CTNNBL1: variants seen among roughly 807,000 people sequenced by gnomAD.
CTNNBL1 encodes catenin beta like 1.
A neutral mutation model predicts 72.7 loss-of-function variants in CTNNBL1; 31 were observed. That is an observed-to-expected ratio of 0.43 (90% CI 0.32 to 0.58). The LOEUF (loss-of-function observed/expected upper bound fraction) is 0.58. Ranked by LOEUF, CTNNBL1 falls within the 20% of genes least tolerant of loss-of-function variation. The pLI is 0.08. For synonymous variants in CTNNBL1, 240 were observed against 267.3 expected (o/e 0.90, Z 1.00); for missense variants, 534 against 725.1 (o/e 0.74, Z 3.03).
chr20:37,844,734 G>A (rs954051332), intron 13 of CTNNBL1, among the ~76,000 whole-genome samples: 5 of 152,152 alleles, frequency 3.3e-5, no homozygotes, highest in Non-Finnish European at 7.3e-5. Flanking sequence ...ATCACTTGAG[G>A]TCAGAAATTT....
At chr20:37,846,340 G>A (rs2072347153) in intron 13 of CTNNBL1, among the ~76,000 whole-genome samples, 1 of 152,102 alleles carries the variant, frequency 6.6e-6, no homozygotes. Context: ...ACGAGTGGAG[G>A]GTGTGAGAGG....
chr20:37,723,096 C>G (rs533746378), intron 1 of CTNNBL1, among the ~76,000 whole-genome samples: 1 of 152,316 alleles, frequency 6.6e-6, no homozygotes, highest in East Asian at 1.9e-4. Flanking sequence ...TAGAATCAAT[C>G]AGAGCAGATG....
chr20:37,789,334 G>A (rs142196611), intron 10 of CTNNBL1, among the ~76,000 whole-genome samples: 2 of 152,314 alleles, frequency 1.3e-5, no homozygotes, highest in African/African-American at 4.8e-5. Context: ...GTTACAGTAA[G>A]GATGTTTGGA....
chr20:37,758,557 T>A (rs1317126856), intron 5 of CTNNBL1, among the ~76,000 whole-genome samples: 1 of 152,208 alleles, frequency 6.6e-6, no homozygotes, highest in Non-Finnish European at 1.5e-5. Context: ...CCCAGTTCAC[T>A]GGTGATCAGA....
At chr20:37,802,797 A>AC (rs1190714103) in intron 10 of CTNNBL1, 70 bp from the exon 11 acceptor site, 1 of 1,236,426 alleles carries the variant, frequency 8.1e-7, no homozygotes, top group African/African-American at 1.5e-5. Context: ...GGCAGCAAAT[A>AC]CCCTTTTTTT....
rs776501539 is a variant in CTNNBL1, at chr20:37,779,344, C to T, written c.1031+9C>T. 1.7e-5 allele frequency: 27 copies of T among 1,612,388 alleles called. No individual in the cohort carries two copies. The highest frequency in any genetic ancestry group is 1.7e-4 in the Middle Eastern group (1 of 6,028). ...ATGAATCTCATGCTCAGGTATGTTT[C>T]GAATGCCCTAGTTCTCCCACCTTTT... On this transcript the variant is annotated intron_variant, in intron 10 of 15. Transcript: ENST00000361383.
chr20:37,783,376 C>T (rs1265718005), intron 10 of CTNNBL1, among the ~76,000 whole-genome samples: 1 of 151,848 alleles, frequency 6.6e-6, no homozygotes, highest in Non-Finnish European at 1.5e-5. Context: ...CTGCTCTGAT[C>T]TTTATTATTT....
In CTNNBL1 at chr20:37,769,901, C is replaced by G. The variant is rs571172737; in HGVS notation, c.750+1857C>G. On this transcript the variant is annotated intron_variant, in intron 7 of 15. Transcript: ENST00000361383. ...AAGGAGAAGGTTCTGCCTAAGATAT[C>G]ATATGCTGCATGGTTTTCTCCGTTT... 3.3e-5 allele frequency among the ~76,000 whole-genome samples: 5 copies of G among 152,324 alleles called. No individual in the cohort carries two copies. In the East Asian group the frequency reaches 9.6e-4, roughly 29 times the overall value.
chr20:37,783,251 CCT>C (rs2073641861), intron 10 of CTNNBL1, among the ~76,000 whole-genome samples: 2 of 151,892 alleles, frequency 1.3e-5, no homozygotes, highest in African/African-American at 4.8e-5. Context: ...TTTATTTGAT[CCT>C]CTCTCTTTTT....
chr20:37,788,616 G>A (rs1397010431), intron 10 of CTNNBL1, among the ~76,000 whole-genome samples: 1 of 152,270 alleles, frequency 6.6e-6, no homozygotes, highest in Non-Finnish European at 1.5e-5. Flanking sequence ...GCCCTGTTTG[G>A]CCTGTGCCCA....
At chr20:37,718,402 C>T (rs1370147409) in intron 1 of CTNNBL1, among the ~76,000 whole-genome samples, 3 of 139,302 alleles carry the variant, frequency 2.2e-5, no homozygotes, top group Admixed American at 6.9e-5. Flanking sequence ...GGCGGCTGGC[C>T]GGGCGGGGGG....
chr20:37,806,124 A>C (rs2071957807), intron 11 of CTNNBL1, among the ~76,000 whole-genome samples: 2 of 152,158 alleles, frequency 1.3e-5, no homozygotes, highest in Non-Finnish European at 2.9e-5. Context: ...TAACTCTGTC[A>C]CATTGGCTTG....
intron 15 of CTNNBL1, among the ~76,000 whole-genome samples, chr20:37,863,628 G>A (rs899398318): frequency 6.6e-6 from 1 of 152,170 alleles, no homozygotes; most frequent in Non-Finnish European, 1.5e-5. Flanking sequence ...AAGAAGAGGT[G>A]CAGGAGGCTG....
intron 11 of CTNNBL1, among the ~76,000 whole-genome samples, chr20:37,822,189 T>C (rs961417930): frequency 6.6e-6 from 1 of 152,218 alleles, no homozygotes; most frequent in African/African-American, 2.4e-5. Context: ...ACCAGGGTGA[T>C]GTCAGAGGCT....
chr20:37,828,771 A>G (rs1293803788), intron 11 of CTNNBL1, among the ~76,000 whole-genome samples: 1 of 152,226 alleles, frequency 6.6e-6, no homozygotes, highest in Non-Finnish European at 1.5e-5. Flanking sequence ...AGATGCTCAC[A>G]CAGATCCATC....
chr20:37,854,534 A>G (rs967630803), intron 13 of CTNNBL1, among the ~76,000 whole-genome samples: 2 of 150,278 alleles, frequency 1.3e-5, no homozygotes, highest in South Asian at 2.1e-4. Context: ...AATGGGGGTA[A>G]GAATCCCTGC....
At chr20:37,782,988 C>T (rs1428374451) in intron 10 of CTNNBL1, among the ~76,000 whole-genome samples, 1 of 152,164 alleles carries the variant, frequency 6.6e-6, no homozygotes, top group Non-Finnish European at 1.5e-5. Flanking sequence ...AGTAGCTACA[C>T]AGTGTCTACC....
intron 11 of CTNNBL1, among the ~76,000 whole-genome samples, chr20:37,805,580 A>G (rs1484193618): frequency 6.6e-6 from 1 of 151,688 alleles, no homozygotes; most frequent in Non-Finnish European, 1.5e-5. Flanking sequence ...TATTTTTAGT[A>G]GAGATGGGGT....
intron 11 of CTNNBL1, among the ~76,000 whole-genome samples, chr20:37,831,367 C>CT (rs202003605): frequency 1.9e-4 from 28 of 149,256 alleles, no homozygotes; most frequent in East Asian, 3.9e-4. Context: ...TTTTTCTTTT[C>CT]TTTTTTTTTT....
Sources: gnomAD v4.1 joint callset for allele counts (sites outside exome capture counted in the v4.1 genomes callset) on GRCh38, gnomAD v4.1.1 for gene constraint, MANE v1.5 for transcripts, NCBI Gene and HGNC (gene_info 2026-07-23, HGNC 2026-07-21) for gene names.